Variants in PPP3CA observed in about 807,000 individuals in gnomAD.
PPP3CA encodes the protein protein phosphatase 3 catalytic subunit alpha.
Under a neutral mutation model 66.5 loss-of-function variants are expected in PPP3CA, and 14 were observed. The observed-to-expected ratio is 0.21, with a 90% CI of 0.14 to 0.33. The LOEUF is 0.33. Among genes scored for constraint, PPP3CA ranks in the 10% least tolerant of loss-of-function variants. The pLI is 1.00. For synonymous variants in PPP3CA, 232 were observed against 226.2 expected (o/e 1.03, Z -0.23); for missense variants, 317 against 639.5 (o/e 0.50, Z 5.44).
At chr4:101,228,882 G>A (rs1000692061) in intron 1 of PPP3CA, among the ~76,000 whole-genome samples, 3 of 151,660 alleles carry the variant, frequency 2.0e-5, no homozygotes, top group Admixed American at 1.3e-4. Context: ...CCACCAGAAA[G>A]TTTAGTTGGT....
intron 1 of PPP3CA, among the ~76,000 whole-genome samples, chr4:101,300,216 T>C (rs1200890044): frequency 6.6e-6 from 1 of 152,206 alleles, no homozygotes; most frequent in African/African-American, 2.4e-5. Flanking sequence ...TTAGTAAGGT[T>C]AATGTCCACT....
At chr4:101,084,066 T>G (rs562297683) in intron 6 of PPP3CA, among the ~76,000 whole-genome samples, 1 of 152,198 alleles carries the variant, frequency 6.6e-6, no homozygotes, top group Admixed American at 6.5e-5. Context: ...AGTCATTATG[T>G]CTCTGCTCTA....
At chr4:101,074,934 C>G (rs1201883391) in intron 8 of PPP3CA, among the ~76,000 whole-genome samples, 1 of 152,168 alleles carries the variant, frequency 6.6e-6, no homozygotes, top group Non-Finnish European at 1.5e-5. Context: ...TTAATGGACT[C>G]ACAGCTCCAC....
intron 5 of PPP3CA, among the ~76,000 whole-genome samples, chr4:101,095,871 C>T (rs190486600): frequency 6.6e-6 from 1 of 152,174 alleles, no homozygotes; most frequent in African/African-American, 2.4e-5. Flanking sequence ...AAGCCGGTCT[C>T]GAACTCCTGA....
intron 1 of PPP3CA, among the ~76,000 whole-genome samples, chr4:101,210,445 T>C (rs1023061452): frequency 3.3e-5 from 5 of 152,188 alleles, no homozygotes; most frequent in Non-Finnish European, 7.3e-5. Context: ...AGCTGAAGAT[T>C]AAACAAACTA....
chr4:101,124,711 AAGAAAGAAAGAAAGAGAAAGAAAG>A (rs1722157161), intron 2 of PPP3CA, among the ~76,000 whole-genome samples: 7 of 97,562 alleles, frequency 7.2e-5, no homozygotes, highest in African/African-American at 2.8e-4. Context: ...GAAAGAAAGA[AAGAAAGAAAGAAAGAGAAAGAAAG>A]AAAGAAAGAA....
intron 2 of PPP3CA, among the ~76,000 whole-genome samples, chr4:101,162,528 A>AAAAT (rs70961778): frequency 0.31 from 44,433 of 143,464 alleles, 7,454 homozygotes; most frequent in East Asian, 0.39. Context: ...AGACTCCATC[A>AAAAT]AAATAAATAA....
At position 101,126,952 on chromosome 4, in the gene PPP3CA, G is replaced by A. The variant is rs575232411; in HGVS notation, c.260-17874C>T. 1.1e-3 allele frequency among the ~76,000 whole-genome samples: 168 copies of A among 152,212 alleles called. 2 individuals carry two copies. The highest frequency in any genetic ancestry group is 3.8e-3 in the African/African-American group (159 of 41,526). ...GGAAAGACATTTCCAAAAGTGAACA[G>A]GGTAAGTGCCAAGTGTAAGTCTACT... On this transcript the variant is annotated intron_variant, in intron 2 of 13. Coordinates refer to ENST00000394854, the MANE Select transcript of PPP3CA (RefSeq NM_000944.5).
intron 1 of PPP3CA, among the ~76,000 whole-genome samples, chr4:101,308,705 T>C (rs192810410): frequency 1.6e-4 from 25 of 152,284 alleles, no homozygotes; most frequent in African/African-American, 5.1e-4. Flanking sequence ...GGAGTGCAGG[T>C]GTGAACCACC....
intron 3 of PPP3CA, among the ~76,000 whole-genome samples, chr4:101,107,611 A>G (rs1178758709): frequency 6.6e-6 from 1 of 152,240 alleles, no homozygotes; most frequent in Non-Finnish European, 1.5e-5. Context: ...GTTGGCGGAA[A>G]TACATATATG....
chr4:101,268,507 C>T (rs1476755535), intron 1 of PPP3CA, among the ~76,000 whole-genome samples: 1 of 152,064 alleles, frequency 6.6e-6, no homozygotes, highest in Non-Finnish European at 1.5e-5. Context: ...TACAATAGTA[C>T]CCTAAATATG....
At chr4:101,265,152 T>G (rs1477628068) in intron 1 of PPP3CA, among the ~76,000 whole-genome samples, 2 of 152,204 alleles carry the variant, frequency 1.3e-5, no homozygotes, top group Non-Finnish European at 2.9e-5. Flanking sequence ...AGAGTCTCCC[T>G]CTGTCACCCA....
intron 2 of PPP3CA, among the ~76,000 whole-genome samples, chr4:101,170,640 C>A (rs536230783): frequency 4.6e-5 from 7 of 151,912 alleles, no homozygotes; most frequent in Non-Finnish European, 1.0e-4. Context: ...CAACCTCACA[C>A]CTAGCATCTC....
At chr4:101,317,286 A>ACACACACACACACACACT (rs1483939136) in intron 1 of PPP3CA, among the ~76,000 whole-genome samples, 1 of 150,566 alleles carries the variant, frequency 6.6e-6, no homozygotes, top group African/African-American at 2.4e-5. Context: ...ACACACACAC[A>ACACACACACACACACACT]CTCACACACA....
chr4:101,190,384 A>G (rs369360726), intron 2 of PPP3CA, among the ~76,000 whole-genome samples: 1 of 152,172 alleles, frequency 6.6e-6, no homozygotes, highest in East Asian at 1.9e-4. Context: ...AATTCATGAG[A>G]ACATAAAAGG....
At chr4:101,167,342 G>A (rs561864025) in intron 2 of PPP3CA, among the ~76,000 whole-genome samples, 3 of 152,104 alleles carry the variant, frequency 2.0e-5, no homozygotes, top group African/African-American at 7.2e-5. Flanking sequence ...CAGCCACATG[G>A]TTACCAGACA....
chr4:101,243,599 G>C (rs1246441759), intron 1 of PPP3CA, among the ~76,000 whole-genome samples: 2 of 152,116 alleles, frequency 1.3e-5, no homozygotes, highest in Non-Finnish European at 2.9e-5. Flanking sequence ...AAGTAATCTA[G>C]AAATGATTTC....
intron 1 of PPP3CA, among the ~76,000 whole-genome samples, chr4:101,308,587 A>T (rs1256722566): frequency 6.6e-6 from 1 of 152,122 alleles, no homozygotes. Flanking sequence ...CTGGGATTAC[A>T]GGCACCCACC....
chr4:101,204,518 C>G (rs1358712572), intron 1 of PPP3CA, among the ~76,000 whole-genome samples: 1 of 151,844 alleles, frequency 6.6e-6, no homozygotes, highest in Non-Finnish European at 1.5e-5. Flanking sequence ...CGCCTGTAGT[C>G]CCAGCTACTC....
Sources: allele counts gnomAD v4.1 joint callset (sites outside exome capture counted in the v4.1 genomes callset), GRCh38; gene constraint gnomAD v4.1.1; transcripts MANE v1.5; gene names NCBI Gene and HGNC (gene_info 2026-07-23, HGNC 2026-07-21).